Variants in HPSE2 observed in about 807,000 individuals in gnomAD.
HPSE2 encodes heparanase 2 (inactive).
A neutral mutation model predicts 60.5 loss-of-function variants in HPSE2; 38 were observed. That is an observed-to-expected ratio of 0.63 (90% CI 0.48 to 0.82). The LOEUF (loss-of-function observed/expected upper bound fraction) is 0.82, where lower values mean the gene tolerates loss of function less well. Ranked by LOEUF, HPSE2 falls within the 40% of genes least tolerant of loss-of-function variation. The pLI is 0.00. For synonymous variants in HPSE2, 295 were observed against 293.2 expected (o/e 1.01, Z -0.06); for missense variants, 713 against 740.4 (o/e 0.96, Z 0.43).
rs190420351 is a variant in HPSE2 at position 98,952,871 on chromosome 10, T to C, written c.610+191367A>G. Reference sequence around the variant, plus strand: ...ATAGGACCCTACCCTGATAACCTAATTGAACCTTAATTACCTCCTAAAATC... The same window carrying C: ...ATAGGACCCTACCCTGATAACCTAACTGAACCTTAATTACCTCCTAAAATC... On this transcript the variant is annotated intron_variant, in intron 3 of 11. Coordinates refer to ENST00000370552, the MANE Select transcript of HPSE2 (RefSeq NM_021828.5). Among the ~76,000 whole-genome samples the C allele has an allele frequency of 5.9e-5, 9 of 152,236 alleles. No individual in the cohort carries two copies. In the East Asian group the frequency reaches 1.7e-3, roughly 29 times the overall value.
intron 3 of HPSE2, among the ~76,000 whole-genome samples, chr10:98,902,466 C>T (rs1373204663): frequency 6.6e-6 from 1 of 152,110 alleles, no homozygotes; most frequent in Admixed American, 6.6e-5. Context: ...TTATAGCAAC[C>T]TCAATACCTA....
Position 99,211,605 on chromosome 10 carries a change from T to G in HPSE2, c.448+20743A>C, listed in dbSNP as rs1015560290. On this transcript the variant is annotated intron_variant, in intron 2 of 11. Transcript: ENST00000370552. Reference sequence around the variant, plus strand: ...TGACAAAATTGCCAAGAACAGGCAATAGGGAAAAGACAGCCTCTTCAATAA... The same window carrying G: ...TGACAAAATTGCCAAGAACAGGCAAGAGGGAAAAGACAGCCTCTTCAATAA... Among the ~76,000 whole-genome samples, 4 of 151,886 alleles carry G rather than the reference T, an allele frequency of 2.6e-5. No homozygotes were observed. The East Asian group carries it at 7.7e-4, about 29-fold the overall frequency.
At chr10:98,555,873 A>G (rs150894328) in intron 9 of HPSE2, among the ~76,000 whole-genome samples, 243 of 152,274 alleles carry the variant, frequency 1.6e-3, no homozygotes, top group African/African-American at 5.7e-3. Flanking sequence ...CAAGCACCAT[A>G]ATTACAAAGC....
chr10:99,115,137 C>T (rs1253184150), intron 3 of HPSE2, among the ~76,000 whole-genome samples: 2 of 148,356 alleles, frequency 1.3e-5, no homozygotes, highest in African/African-American at 4.9e-5. Context: ...ACATGCACCA[C>T]CTCGCCCAGC....
chr10:98,848,613 A>G (rs1226545752), intron 3 of HPSE2, among the ~76,000 whole-genome samples: 1 of 152,142 alleles, frequency 6.6e-6, no homozygotes, highest in Non-Finnish European at 1.5e-5. Context: ...CACAAGAAAC[A>G]TGTACTATTC....
chr10:98,655,776 C>G (rs972753168), intron 6 of HPSE2, among the ~76,000 whole-genome samples: 2 of 148,140 alleles, frequency 1.4e-5, no homozygotes, highest in Admixed American at 6.8e-5. Flanking sequence ...TTAATATGAT[C>G]AATTACTTTG....
the HPSE2 span, among the ~76,000 whole-genome samples, chr10:99,264,812 C>T: frequency 9.4e-6 from 1 of 106,668 alleles, no homozygotes; most frequent in Admixed American, 9.5e-5. Context: ...CACAGTATCA[C>T]CCCTCACCCC....
chr10:98,788,649 G>A (rs1033463401), intron 3 of HPSE2, among the ~76,000 whole-genome samples: 11 of 152,204 alleles, frequency 7.2e-5, no homozygotes, highest in Non-Finnish European at 1.6e-4. Context: ...GTCTCGTGGT[G>A]CGCTGTTTCT....
chr10:99,105,991 A>C (rs191179270), intron 3 of HPSE2, among the ~76,000 whole-genome samples: 2 of 152,066 alleles, frequency 1.3e-5, no homozygotes, highest in Non-Finnish European at 2.9e-5. Context: ...CAAATACCAC[A>C]CTGTCTCCAT....
At chr10:98,983,430 C>A (rs555832870) in intron 3 of HPSE2, among the ~76,000 whole-genome samples, 1 of 152,284 alleles carries the variant, frequency 6.6e-6, no homozygotes, top group African/African-American at 2.4e-5. Context: ...TGGAAGCAGG[C>A]TTTTCAGTGA....
At chr10:98,702,687 T>C (rs1156774469) in intron 5 of HPSE2, among the ~76,000 whole-genome samples, 1 of 152,200 alleles carries the variant, frequency 6.6e-6, no homozygotes. Flanking sequence ...GAATGACTCC[T>C]GAGTAAATAA....
At chr10:99,272,774 T>C in the HPSE2 span, among the ~76,000 whole-genome samples, 12 of 152,040 alleles carry the variant, frequency 7.9e-5, no homozygotes, top group Admixed American at 5.9e-4. Flanking sequence ...AAAAAAATAA[T>C]AGATGTTGGC....
rs1949969999 is a variant in HPSE2, at chr10:98,760,017, ATTC to A, written c.611-15964_611-15962del. Among the ~76,000 whole-genome samples, 3 of 151,932 alleles carry A rather than the reference ATTC, an allele frequency of 2.0e-5. No individual in the cohort carries two copies. In the South Asian group the frequency reaches 6.2e-4, roughly 32 times the overall value. ...AATCTTTCACTTTTTGGTTAATTTT[ATTC>A]TTAAGTATTTTGTTCTGATGCTATT... On this transcript the variant is annotated intron_variant, in intron 3 of 11. Coordinates refer to ENST00000370552, the MANE Select transcript of HPSE2 (RefSeq NM_021828.5).
At chr10:98,556,286 C>A (rs747501615) in intron 9 of HPSE2, among the ~76,000 whole-genome samples, 11 of 152,168 alleles carry the variant, frequency 7.2e-5, no homozygotes, top group Non-Finnish European at 1.6e-4. Flanking sequence ...GAAGTATGAA[C>A]AACAGATCCT....
chr10:98,950,437 G>C (rs1457583450), intron 3 of HPSE2, among the ~76,000 whole-genome samples: 2 of 152,236 alleles, frequency 1.3e-5, no homozygotes, highest in African/African-American at 4.8e-5. Flanking sequence ...CCAAGTGTTA[G>C]AGTCATTGAA....
chr10:99,091,731 G>T (rs551011479), intron 3 of HPSE2, among the ~76,000 whole-genome samples: 1 of 152,154 alleles, frequency 6.6e-6, no homozygotes, highest in South Asian at 2.1e-4. Context: ...TTTTATGGGG[G>T]CATGAATGTC....
In HPSE2 at chr10:98,625,055, T is replaced by G. The variant is rs528198931; in HGVS notation, c.1099-4347A>C. Among the ~76,000 whole-genome samples, 4 of 152,392 alleles carry G rather than the reference T, an allele frequency of 2.6e-5. No individual in the cohort carries two copies. The South Asian group carries it at 8.3e-4, about 32-fold the overall frequency. On this transcript the variant is annotated intron_variant, in intron 7 of 11. Coordinates refer to ENST00000370552, the MANE Select transcript of HPSE2 (RefSeq NM_021828.5). ...ACTTTTATTCACTTTTGTATTTACT[T>G]CCTATCAGAATGCCTGGCACAGAGT...
chr10:98,563,493 G>A (rs929865948), intron 9 of HPSE2, among the ~76,000 whole-genome samples: 3 of 152,056 alleles, frequency 2.0e-5, no homozygotes, highest in Non-Finnish European at 4.4e-5. Flanking sequence ...AGTGATTATT[G>A]TACAATTCTG....
chr10:98,920,691 A>G (rs1954257911), intron 3 of HPSE2, among the ~76,000 whole-genome samples: 1 of 152,210 alleles, frequency 6.6e-6, no homozygotes, highest in Admixed American at 6.5e-5. Flanking sequence ...AACATTTCAT[A>G]TAATTGAATT....
Sources: allele counts gnomAD v4.1 joint callset (sites outside exome capture counted in the v4.1 genomes callset), GRCh38; gene constraint gnomAD v4.1.1; transcripts MANE v1.5; gene names NCBI Gene and HGNC (gene_info 2026-07-23, HGNC 2026-07-21).